SPATA24: variants seen among roughly 807,000 people sequenced by gnomAD.
SPATA24 encodes spermatogenesis-associated protein 24.
In SPATA24, 21 loss-of-function variants were observed where a neutral mutation model predicts 28.9. The ratio of observed to expected loss-of-function variants is 0.73; its 90% confidence interval spans 0.52 to 1.05. The LOEUF is 1.05. Ranked by LOEUF, SPATA24 falls within the 50% of genes least tolerant of loss-of-function variation. The pLI is 0.00. For synonymous variants in SPATA24, 76 were observed against 89.9 expected (o/e 0.85, Z 0.88); for missense variants, 215 against 242.9 (o/e 0.88, Z 0.76).
chr5:139,401,662 T>TA (rs1758823933), intron 4 of SPATA24, 93 bp downstream of exon 4: 3 of 1,357,738 alleles, frequency 2.2e-6, no homozygotes, highest in Non-Finnish European at 3.1e-6. Context: ...GGACAGGTGT[T>TA]AGAGTGAAAC....
intron 4 of SPATA24, among the ~76,000 whole-genome samples, chr5:139,400,896 G>T (rs1210051611): frequency 6.6e-6 from 1 of 152,026 alleles, no homozygotes; most frequent in Non-Finnish European, 1.5e-5. Context: ...GGTGGCTCAC[G>T]CCTATAATCC....
chr5:139,392,993 G>T (rs748366649), downstream of SPATA24: 5 of 1,517,274 alleles, frequency 3.3e-6, no homozygotes, highest in Middle Eastern at 1.7e-4. This position sits in a 1 kb window ranked among gnomAD's most constrained non-coding sequence, Gnocchi z 5.8. Flanking sequence ...GGTTCAGGAG[G>T]CTCGTAGGGG....
rs758166212 is a variant in SPATA24, at chr5:139,402,679, G to T, written c.132C>A (p.Asp44Glu). The T allele has an allele frequency of 5.9e-5, 92 of 1,551,718 alleles. No individual in the cohort carries two copies. Among genetic ancestry groups the T allele is most frequent in the Non-Finnish European group, 7.0e-5 (80 of 1,146,990 alleles). ...ACTCTTCTTTACTGACAAAATTTTCGTCCTGGAGAACCATCTGCAACAGAG... is the reference window on the plus strand; with the variant it reads ...ACTCTTCTTTACTGACAAAATTTTCTTCCTGGAGAACCATCTGCAACAGAG... The part of the protein sequence containing the change: ...HQLRNVMVLQ[D>E]ENFVSKEEFQ... Residue 44 changes from aspartate to glutamate, a missense_variant, in exon 2 of 6, where the codon GAC becomes GAA. Coordinates refer to ENST00000450845, the MANE Select transcript of SPATA24 (RefSeq NM_194296.2).
At chr5:139,394,264 G>A, downstream of SPATA24, 1 of 1,544,600 alleles carries the variant, frequency 6.5e-7, no homozygotes, top group Non-Finnish European at 8.7e-7. Flanking sequence ...CCGCCCCGTG[G>A]ACCCGAAGGT....
At chr5:139,394,932 C>T, downstream of SPATA24, 2 of 1,519,930 alleles carry the variant, frequency 1.3e-6, no homozygotes, top group Middle Eastern at 3.9e-4. Context: ...CTGGGCCTTT[C>T]GCGTCCGGCC....
chr5:139,392,841 TACCTCGGGCCGGCG>T, downstream of SPATA24: 1 of 1,537,044 alleles, frequency 6.5e-7, no homozygotes. This position sits in a 1 kb window ranked among gnomAD's most constrained non-coding sequence, Gnocchi z 5.8. Context: ...CTCGCGAGGT[TACCTCGGGCCGGCG>T]ACCCAAGGCC....
At chr5:139,394,270 A>G, downstream of SPATA24, 1 of 1,542,616 alleles carries the variant, frequency 6.5e-7, no homozygotes, top group Non-Finnish European at 8.8e-7. Flanking sequence ...CGTGGACCCG[A>G]AGGTGGCGCT....
downstream of SPATA24, chr5:139,395,306 T>C (rs1017629864): frequency 4.6e-5 from 19 of 410,834 alleles, no homozygotes; most frequent in African/African-American, 2.5e-4. Context: ...CAAGCCGGAG[T>C]ACCTGGGGTG....
At chr5:139,395,900 G>C (rs368999562), downstream of SPATA24, among the ~76,000 whole-genome samples, 39 of 152,330 alleles carry the variant, frequency 2.6e-4, no homozygotes, top group African/African-American at 8.9e-4. Context: ...CCTGCGGCCA[G>C]AACAGCCCTG....
intron 1 of SPATA24, among the ~76,000 whole-genome samples, chr5:139,402,929 T>C (rs1758856349): frequency 6.6e-6 from 1 of 152,174 alleles, no homozygotes; most frequent in South Asian, 2.1e-4. Context: ...TTCTAACATG[T>C]TGTGTGCCTT....
intron 1 of SPATA24, among the ~76,000 whole-genome samples, chr5:139,403,447 T>C (rs1246206217): frequency 6.6e-6 from 1 of 152,158 alleles, no homozygotes; most frequent in Non-Finnish European, 1.5e-5. Flanking sequence ...CTGCAATGCT[T>C]TGCACCCATT....
In SPATA24 at chr5:139,402,048, G is replaced by A. The variant is rs1238776088; in HGVS notation, c.184-3C>T. On this transcript the variant is annotated splice_polypyrimidine_tract_variant and splice_region_variant and intron_variant, in intron 2 of 5. Coordinates refer to ENST00000450845, the MANE Select transcript of SPATA24 (RefSeq NM_194296.2). ...TTGGCATGGGCAGCTTTCTCTTCCT[G>A]CAGGGGCAGCAGCAGTCACCTCATT... 6.4e-7 allele frequency: 1 copy of A among 1,550,562 alleles called. No individual in the cohort carries two copies. Among genetic ancestry groups the A allele is most frequent in the Non-Finnish European group, 8.7e-7 (1 of 1,146,806 alleles).
downstream of SPATA24, chr5:139,394,863 G>A (rs774246670): frequency 5.2e-6 from 8 of 1,529,894 alleles, no homozygotes; most frequent in Non-Finnish European, 7.0e-6. Context: ...TCTGGGCGCT[G>A]ACGGACAGGC....
At chr5:139,394,235 C>G (rs925914058), downstream of SPATA24, 1 of 1,548,670 alleles carries the variant, frequency 6.5e-7, no homozygotes, top group Middle Eastern at 1.7e-4. Flanking sequence ...CGGGCCGTTT[C>G]CCGGGTCTCA....
chr5:139,396,833 C>A lies in SPATA24; in HGVS notation c.585G>T (p.Gln195His). ...CCCTGGGATGCTGGTGGCTGCGGGC[C>A]TGACGTGTCCCTGAGGCTTTCTTAT... The part of the protein sequence containing the change: ...QKHKKASGTR[Q>H]ARSHQHPREK Residue 195 changes from glutamine (Q) to histidine (H), a missense_variant, in exon 6 of 6, where the codon CAG becomes CAT. Transcript: ENST00000450845. 2 of 1,551,732 alleles carry A rather than the reference C, an allele frequency of 1.3e-6. No homozygotes were observed. Among genetic ancestry groups the A allele is most frequent in the Non-Finnish European group, 1.7e-6 (2 of 1,146,992 alleles).
At chr5:139,394,059 G>T (rs1414773725), downstream of SPATA24, 4 of 1,550,802 alleles carry the variant, frequency 2.6e-6, no homozygotes, top group Non-Finnish European at 2.6e-6. Flanking sequence ...GAAGGAAGAT[G>T]CTGGAACTAA....
At chr5:139,393,407 G>C, downstream of SPATA24, 1 of 1,551,704 alleles carries the variant, frequency 6.4e-7, no homozygotes, top group South Asian at 1.2e-5. Flanking sequence ...ATCTCTGTTG[G>C]TTCTGGAGTG....
At chr5:139,394,815 C>T (rs1262807131), downstream of SPATA24, 1 of 1,529,230 alleles carries the variant, frequency 6.5e-7, no homozygotes, top group Admixed American at 2.0e-5. Flanking sequence ...CTGGGCCTCG[C>T]GGGAAACCCG....
chr5:139,402,200 G>A (rs1409514560), intron 2 of SPATA24, among the ~76,000 whole-genome samples, 155 bp from the exon 3 acceptor site: 4 of 151,200 alleles, frequency 2.6e-5, no homozygotes, highest in African/African-American at 7.3e-5. Flanking sequence ...CTCAGAGGCC[G>A]ACCTTTCTTT....
Sources: allele counts gnomAD v4.1 joint callset (sites outside exome capture counted in the v4.1 genomes callset), GRCh38; gene constraint gnomAD v4.1.1; non-coding constraint Gnocchi (gnomAD v3.1); transcripts MANE v1.5; gene names NCBI Gene and HGNC (gene_info 2026-07-23, HGNC 2026-07-21).